Variants in PPP1R9B observed in about 807,000 individuals in gnomAD.
PPP1R9B encodes the protein neurabin-2.
Under a neutral mutation model 75.8 loss-of-function variants are expected in PPP1R9B, and 17 were observed. The observed-to-expected ratio is 0.22, with a 90% CI of 0.15 to 0.34. The LOEUF (loss-of-function observed/expected upper bound fraction) is 0.34. Ranked by LOEUF, PPP1R9B falls within the 10% of genes least tolerant of loss-of-function variation. The pLI is 1.00. For missense variants in PPP1R9B, 875 were observed against 1,196.0 expected, an observed-to-expected ratio of 0.73 and a Z score of 3.96; for synonymous variants, 509 against 535.4, an observed-to-expected ratio of 0.95 and a Z score of 0.68.
Position 50,140,202 on chromosome 17 carries a change from C to G in PPP1R9B, c.1757G>C (p.Gly586Ala). Residue 586 changes from glycine to alanine, a missense_variant, in exon 5 of 10, where the codon GGA (glycine) becomes GCA (alanine). Around this residue, in one of 4 missense-constraint regions of PPP1R9B, gnomAD observed 218 missense variants for 334.6 expected, o/e 0.65. Transcript: ENST00000612501. The stretch of plus-strand genomic sequence containing the variant: ...TAGCTGGGCCACTTCGCTCTGCTCT[C>G]CCGGCCGCTCCCGGCCAATCATAAA... Reference protein sequence around the residue: ...VRFMIGRERPGEQSEVAQLIQ... With the variant: ...VRFMIGRERPAEQSEVAQLIQ... 1 of 1,600,460 alleles carries G rather than the reference C, an allele frequency of 6.2e-7. No individual in the cohort carries two copies. The highest frequency in any genetic ancestry group is 8.5e-7 in the Non-Finnish European group (1 of 1,173,706).
chr17:50,149,434 C>A lies in PPP1R9B; in HGVS notation c.1080G>T (p.Ala360=), dbSNP rs1429181620. The change falls in exon 1 of 10, where the codon GCG becomes GCT. Residue 360 remains alanine, a synonymous_variant. Coordinates refer to ENST00000612501, the MANE Select transcript of PPP1R9B (RefSeq NM_032595.5). This position sits in a 1 kb window ranked among gnomAD's most constrained non-coding sequence, Gnocchi z 7.2. ...AAPEKEAAAV[A]PPERGVGNGR... is the part of the protein sequence containing the mutation. ...CATTGCCCACCCCCCTCTCTGGCGGCGCTACCGCCGCCGCCTCCTTCTCCG... is the reference window on the plus strand; with the variant it reads ...CATTGCCCACCCCCCTCTCTGGCGGAGCTACCGCCGCCGCCTCCTTCTCCG... 6.2e-7 allele frequency: 1 copy of A among 1,606,930 alleles called. No homozygotes were observed. Among genetic ancestry groups the A allele is most frequent in the African/African-American group, 1.3e-5 (1 of 74,606 alleles).
chr17:50,149,543 G>A lies in PPP1R9B; in HGVS notation c.971C>T (p.Thr324Met), dbSNP rs775091421. ...APGEVIQAEV[T>M]VHAALENGST... Reference sequence around the variant, plus strand: ...GCCATTCTCCAGGGCCGCGTGGACCGTAACCTCGGCCTGGATCACCTCCCC... The same window carrying A: ...GCCATTCTCCAGGGCCGCGTGGACCATAACCTCGGCCTGGATCACCTCCCC... The change falls in exon 1 of 10, where the codon ACG becomes ATG. Residue 324 changes from threonine (T) to methionine (M), a missense_variant. Physicochemically the swap from Thr to Met is moderately conservative, Grantham distance 81. Around this residue, in one of 4 missense-constraint regions of PPP1R9B, gnomAD observed 449 missense variants for 475.0 expected, o/e 0.95. Coordinates refer to ENST00000612501, the MANE Select transcript of PPP1R9B (RefSeq NM_032595.5). The surrounding 1 kb of genome is among the most constrained non-coding windows in gnomAD (Gnocchi z 7.2). 6.3e-6 allele frequency: 10 copies of A among 1,590,044 alleles called. 1 individual carries two copies. In the Admixed American group the frequency reaches 1.2e-4, roughly 19 times the overall value.
Position 50,139,192 on chromosome 17 carries a change from G to A in PPP1R9B, c.2073+71C>T. Reference sequence around the variant, plus strand: ...CCTAAGTGTCAGCATGTGCAGGTGTGAGGGTAGGGGGACCCTGCTCCTCAA... The same window carrying A: ...CCTAAGTGTCAGCATGTGCAGGTGTAAGGGTAGGGGGACCCTGCTCCTCAA... On this transcript the variant is annotated intron_variant, in intron 7 of 9. Coordinates refer to ENST00000612501, the MANE Select transcript of PPP1R9B (RefSeq NM_032595.5). The surrounding 1 kb of genome is among the most constrained non-coding windows in gnomAD (Gnocchi z 5.0). The A allele has an allele frequency of 6.4e-7, 1 of 1,562,466 alleles. No individual in the cohort carries two copies.
At chr17:50,135,454 G>A (rs751140135) in intron 9 of PPP1R9B, 70 bp from the exon 10 acceptor site, 52 of 1,576,986 alleles carry the variant, frequency 3.3e-5, no homozygotes, top group Non-Finnish European at 3.7e-5. Flanking sequence ...TCCGCCCCCC[G>A]GTGAGGACAT....
In PPP1R9B at chr17:50,150,538, C is replaced by T. The variant is rs1172544373; in HGVS notation, c.-25G>A. ...TGGTGGGGGGAGCCGGGTTCGCATG[C>T]CCCTGCTCCCCGCTCCCCCGCTTCA... On this transcript the variant is annotated 5_prime_UTR_variant, in exon 1 of 10. Transcript: ENST00000612501. The surrounding 1 kb of genome is among the most constrained non-coding windows in gnomAD (Gnocchi z 8.7). 2 of 1,291,270 alleles carry T rather than the reference C, an allele frequency of 1.5e-6. No individual in the cohort carries two copies. Among genetic ancestry groups the T allele is most frequent in the Non-Finnish European group, 2.0e-6 (2 of 1,018,860 alleles). 80.0% of individuals were successfully genotyped at this position (1,291,270 alleles called of 1,614,324 possible). A position where few individuals can be genotyped will look rare whatever the true frequency, so the allele number is the denominator to read the frequency against.
chr17:50,136,059 C>T lies in PPP1R9B; in HGVS notation c.2212G>A (p.Asp738Asn). The T allele has an allele frequency of 6.2e-7, 1 of 1,612,794 alleles. No homozygotes were observed. Among genetic ancestry groups the T allele is most frequent in the Non-Finnish European group, 8.5e-7 (1 of 1,179,656 alleles). Residue 738 changes from aspartate (D) to asparagine (N), a missense_variant, in exon 8 of 10, where the codon GAC becomes AAC. By Grantham distance (23) the Asp-to-Asn change is conservative. Transcript: ENST00000612501. ...GEAQSLCQAV[D>N]EHLRETQAQY... ...GCCTGAGTCTCCCGCAGGTGCTCGT[C>T]CACAGCCTGGCACAGGCTCTGGGCC...
At position 50,135,022 on chromosome 17, in the gene PPP1R9B, T is replaced by G; in HGVS notation, c.*309A>C. ...GCTGGAGTGTGTAAAGTCTGGCAGT[T>G]TGATCTGCAGGTGCTTGTGTCCGTC... On this transcript the variant is annotated 3_prime_UTR_variant, in exon 10 of 10. Transcript: ENST00000612501. The G allele has an allele frequency of 2.3e-6, 1 of 435,420 alleles. No individual in the cohort carries two copies. 27.0% of individuals were successfully genotyped at this position (435,420 alleles called of 1,614,324 possible).
chr17:50,140,470 T>C (rs1598246405), intron 4 of PPP1R9B: 2 of 571,060 alleles, frequency 3.5e-6, no homozygotes, highest in East Asian at 6.0e-5. Context: ...AGGGAGAATG[T>C]CAGCCCACCT....
At position 50,141,188 on chromosome 17, in the gene PPP1R9B, C is replaced by G. The variant is rs1052778427; in HGVS notation, c.1730+81G>C. On this transcript the variant is annotated intron_variant, in intron 4 of 9. Coordinates refer to ENST00000612501, the MANE Select transcript of PPP1R9B (RefSeq NM_032595.5). ...GTGAGCTGGGCCACCAGAACCTTAACTGGCTGTTAAGGCAGGTGAACGGAG... is the reference window on the plus strand; with the variant it reads ...GTGAGCTGGGCCACCAGAACCTTAAGTGGCTGTTAAGGCAGGTGAACGGAG... 2.7e-5 allele frequency: 25 copies of G among 921,782 alleles called. No homozygotes were observed. The African/African-American group carries it at 3.8e-4, about 14-fold the overall frequency. The allele number at this position is 921,782 out of a possible 1,614,324, so 57.1% of individuals were successfully genotyped here.
chr17:50,149,152 C>T lies in PPP1R9B; in HGVS notation c.1362G>A (p.Ala454=). ...GGGGGGGCTCACTTACTTGGATGGGCGCCGTGCTGAAATGGATCTTCCGGC... is the reference window on the plus strand; with the variant it reads ...GGGGGGGCTCACTTACTTGGATGGGTGCCGTGCTGAAATGGATCTTCCGGC... ...APSRKIHFST[A]PIQVFSTYSN... is the part of the protein sequence containing the mutation. Residue 454 remains alanine, a synonymous_variant, in exon 1 of 10, where the codon GCG becomes GCA. Transcript: ENST00000612501. This position sits in a 1 kb window ranked among gnomAD's most constrained non-coding sequence, Gnocchi z 7.2. 1 of 1,491,408 alleles carries T rather than the reference C, an allele frequency of 6.7e-7. No homozygotes were observed. Among genetic ancestry groups the T allele is most frequent in the Non-Finnish European group, 8.9e-7 (1 of 1,117,538 alleles). The allele number at this position is 1,491,408 out of a possible 1,614,324, so 92.4% of individuals were successfully genotyped here. A position where few individuals can be genotyped will look rare whatever the true frequency, so the allele number is the denominator to read the frequency against.
chr17:50,150,475 G>C lies in PPP1R9B; in HGVS notation c.39C>G (p.Leu13=), dbSNP rs553389664. Residue 13 remains leucine, a synonymous_variant, in exon 1 of 10, where the codon CTC becomes CTG. Transcript: ENST00000612501. The surrounding 1 kb of genome is among the most constrained non-coding windows in gnomAD (Gnocchi z 8.7). ...CGCTGCGGTGCGGGGAGGCGCTCCGGAGGGGACCCCCGGGCCCCCGTGGCT... is the reference window on the plus strand; with the variant it reads ...CGCTGCGGTGCGGGGAGGCGCTCCGCAGGGGACCCCCGGGCCCCCGTGGCT... The part of the protein sequence containing the change: ...KTEPRGPGGP[L]RSASPHRSAY... 1.5e-6 allele frequency: 2 copies of C among 1,375,166 alleles called. No homozygotes were observed. The highest frequency in any genetic ancestry group is 3.0e-5 in the African/African-American group (2 of 65,636). The allele number at this position is 1,375,166 out of a possible 1,614,324, so 85.2% of individuals were successfully genotyped here.
Position 50,149,090 on chromosome 17 carries a change from C to G in PPP1R9B, c.1371+53G>C, listed in dbSNP as rs1470860445. On this transcript the variant is annotated intron_variant, in intron 1 of 9. Coordinates refer to ENST00000612501, the MANE Select transcript of PPP1R9B (RefSeq NM_032595.5). The surrounding 1 kb of genome is among the most constrained non-coding windows in gnomAD (Gnocchi z 7.2). ...CTGGCTGGCTGGCGAGCGGGGGCGG[C>G]CGCGTGCACGTGGCAGGGGCGGCGC... 1.7e-5 allele frequency: 22 copies of G among 1,305,398 alleles called. No individual in the cohort carries two copies. Among genetic ancestry groups the G allele is most frequent in the Non-Finnish European group, 2.2e-5 (22 of 1,007,030 alleles). The allele number at this position is 1,305,398 out of a possible 1,614,324, so 80.9% of individuals were successfully genotyped here.
rs770296593 is a variant in PPP1R9B at position 50,149,398 on chromosome 17, C to T, written c.1116G>A (p.Pro372=). ...PERGVGNGRA[P]DVAPEEVDES... The stretch of plus-strand genomic sequence containing the variant: ...CATCTACCTCCTCAGGGGCCACGTC[C>T]GGGGCCCGGCCATTGCCCACCCCCC... Residue 372 remains proline (P), a synonymous_variant, in exon 1 of 10, where the codon CCG becomes CCA. Transcript: ENST00000612501. The surrounding 1 kb of genome is among the most constrained non-coding windows in gnomAD (Gnocchi z 7.2). The T allele has an allele frequency of 3.7e-6, 6 of 1,612,374 alleles. No homozygotes were observed. The African/African-American group carries it at 8.0e-5, about 22-fold the overall frequency.
chr17:50,147,741 G>A (rs765894077), intron 1 of PPP1R9B, among the ~76,000 whole-genome samples: 1 of 152,102 alleles, frequency 6.6e-6, no homozygotes, highest in South Asian at 2.1e-4. Context: ...CTGCCTTCAG[G>A]AGGGGAAAGG....
At position 50,149,764 on chromosome 17, in the gene PPP1R9B, C is replaced by T; in HGVS notation, c.750G>A (p.Val250=). 2 of 1,405,674 alleles carry T rather than the reference C, an allele frequency of 1.4e-6. No homozygotes were observed. The highest frequency in any genetic ancestry group is 1.8e-6 in the Non-Finnish European group (2 of 1,088,900). The allele number at this position is 1,405,674 out of a possible 1,614,324, so 87.1% of individuals were successfully genotyped here. A position where few individuals can be genotyped will look rare whatever the true frequency, so the allele number is the denominator to read the frequency against. The change falls in exon 1 of 10, where the codon GTG becomes GTA. Residue 250 remains valine (V), a synonymous_variant. Transcript: ENST00000612501. This position sits in a 1 kb window ranked among gnomAD's most constrained non-coding sequence, Gnocchi z 7.2. ...NSKLVSKRSR[V]FQPPPPPPPA... ...GCGGCGGCGGCGGCGGGGGCTGGAA[C>T]ACCCGGGACCGCTTGCTGACCAGCT...
Position 50,133,933 on chromosome 17 carries a change from G to C in PPP1R9B, c.*1398C>G, listed in dbSNP as rs762632461. The C allele has an allele frequency of 6.6e-6, 1 of 152,666 alleles. No homozygotes were observed. Among genetic ancestry groups the C allele is most frequent in the Non-Finnish European group, 1.5e-5 (1 of 68,072 alleles). The allele number at this position is 152,666 out of a possible 1,614,324, so 9.5% of individuals were successfully genotyped here. On this transcript the variant is annotated 3_prime_UTR_variant, in exon 10 of 10. Coordinates refer to ENST00000612501, the MANE Select transcript of PPP1R9B (RefSeq NM_032595.5). Reference sequence around the variant, plus strand: ...CCCTCCATCTGCCGGGGTGAAGTGCGCGAGCCCAGGACTGAGACAGCCAGC... The same window carrying C: ...CCCTCCATCTGCCGGGGTGAAGTGCCCGAGCCCAGGACTGAGACAGCCAGC...
intron 8 of PPP1R9B, 61 bp from the exon 9 acceptor site, chr17:50,135,710 T>G: frequency 7.0e-7 from 1 of 1,430,828 alleles, no homozygotes; most frequent in South Asian, 1.2e-5. Flanking sequence ...TCATCCAGGG[T>G]GACCCAGGTC....
intron 4 of PPP1R9B, among the ~76,000 whole-genome samples, chr17:50,140,521 C>T (rs1027460095): frequency 1.3e-5 from 2 of 152,156 alleles, no homozygotes; most frequent in African/African-American, 2.4e-5. Flanking sequence ...GGAGGCTCTT[C>T]CCCTGCCACA....
In PPP1R9B at chr17:50,149,422, C is replaced by T. The variant is rs367543189; in HGVS notation, c.1092G>A (p.Arg364=). The change falls in exon 1 of 10, where the codon AGG becomes AGA. Residue 364 remains arginine, a synonymous_variant. Transcript: ENST00000612501. The surrounding 1 kb of genome is among the most constrained non-coding windows in gnomAD (Gnocchi z 7.2). ...KEAAAVAPPE[R]GVGNGRAPDV... ...CCGGGGCCCGGCCATTGCCCACCCC[C>T]CTCTCTGGCGGCGCTACCGCCGCCG... is the stretch of plus-strand genomic sequence containing the variant. 9.4e-5 allele frequency: 152 copies of T among 1,610,212 alleles called. No homozygotes were observed. Among genetic ancestry groups the T allele is most frequent in the Non-Finnish European group, 1.3e-4 (148 of 1,178,694 alleles).
Sources: gnomAD v4.1 joint callset for allele counts (sites outside exome capture counted in the v4.1 genomes callset) on GRCh38, gnomAD v4.1.1 for gene constraint, gnomAD v4.1.1 regional missense constraint, Gnocchi (gnomAD v3.1) non-coding constraint, MANE v1.5 for transcripts, NCBI Gene and HGNC (gene_info 2026-07-23, HGNC 2026-07-21) for gene names.